COL24A1: variants seen among roughly 807,000 people sequenced by gnomAD.
COL24A1 encodes collagen type XXIV alpha 1 chain, also known as collagen alpha-1(XXIV) chain.
Under a neutral mutation model 253.9 loss-of-function variants are expected in COL24A1, and 224 were observed. The observed-to-expected ratio is 0.88, with a 90% confidence interval of 0.79 to 0.99. COL24A1 has a LOEUF of 0.99. COL24A1 is among the 50% of genes least tolerant of loss of function. The pLI, the probability that COL24A1 is intolerant of heterozygous loss-of-function variation, is 0.00. For missense variants in COL24A1, 2,131 were observed against 2,068.5 expected, an observed-to-expected ratio of 1.03 and a Z score of -0.59; for synonymous variants, 685 against 673.7, an observed-to-expected ratio of 1.02 and a Z score of -0.26.
At position 85,909,983 on chromosome 1, in the gene COL24A1, G is replaced by A. The variant is rs751747787; in HGVS notation, c.2637C>T (p.Gly879=). Residue 879 remains glycine, a synonymous_variant, in exon 26 of 60, where the codon GGC becomes GGT. Transcript: ENST00000370571. ...IGEKGERGSP[G]PLGPQGEKGV... is the part of the protein sequence containing the mutation. ...CTTTTTCTCCCTGCGGACCTAGTGG[G>A]CCTGGACTTCCACGTTCTCCCTTTT... The A allele has an allele frequency of 2.9e-5, 46 of 1,609,998 alleles. 2 individuals carry two copies. The highest frequency in any genetic ancestry group is 2.5e-4 in the South Asian group (23 of 90,942).
intron 37 of COL24A1, among the ~76,000 whole-genome samples, chr1:85,866,128 T>C (rs1331909049): frequency 6.6e-6 from 1 of 151,894 alleles, no homozygotes; most frequent in African/African-American, 2.4e-5. Flanking sequence ...GTGGGCATGG[T>C]GGTGGGTGCC....
chr1:86,076,764 T>C (rs1702282732), intron 7 of COL24A1, among the ~76,000 whole-genome samples: 1 of 152,172 alleles, frequency 6.6e-6, no homozygotes, highest in Admixed American at 6.5e-5. Flanking sequence ...ATTTAATAAA[T>C]GGTGTTGGGA....
chr1:86,109,980 A>G (rs1376709248), intron 5 of COL24A1, among the ~76,000 whole-genome samples: 1 of 152,192 alleles, frequency 6.6e-6, no homozygotes, highest in African/African-American at 2.4e-5. Flanking sequence ...CCTTCAGTAG[A>G]TACTAAATCT....
chr1:86,033,349 G>A (rs1698738951), intron 13 of COL24A1, among the ~76,000 whole-genome samples: 1 of 152,028 alleles, frequency 6.6e-6, no homozygotes, highest in African/African-American at 2.4e-5. Context: ...AAAAACTAAA[G>A]CTTTTCTACC....
chr1:86,128,977 A>AT (rs949852071), intron 2 of COL24A1, among the ~76,000 whole-genome samples: 2 of 151,766 alleles, frequency 1.3e-5, no homozygotes, highest in African/African-American at 4.8e-5. Context: ...AAATTTCATT[A>AT]TTTTCTATAG....
intron 1 of COL24A1, 119 bp downstream of exon 1, chr1:86,156,222 C>T (rs1653592426): frequency 1.1e-6 from 1 of 917,224 alleles, no homozygotes; most frequent in Non-Finnish European, 1.6e-6. Context: ...CTCGGCCGCT[C>T]CTAAAGCCAA....
intron 47 of COL24A1, among the ~76,000 whole-genome samples, chr1:85,812,549 A>G (rs1026929838): frequency 2.6e-5 from 4 of 152,222 alleles, no homozygotes; most frequent in African/African-American, 9.6e-5. Context: ...TTCAGAGAGC[A>G]CTGGCTAAGA....
chr1:85,740,732 A>G (rs1186839640), intron 57 of COL24A1, among the ~76,000 whole-genome samples: 1 of 151,632 alleles, frequency 6.6e-6, no homozygotes, highest in Non-Finnish European at 1.5e-5. Context: ...TCGGTCTCCC[A>G]AAGTGCTGGG....
chr1:86,007,039 T>C (rs538673649), intron 19 of COL24A1, among the ~76,000 whole-genome samples: 2 of 148,152 alleles, frequency 1.3e-5, no homozygotes, highest in Admixed American at 1.3e-4. Context: ...TAGTGAGACC[T>C]TGTCTCTACA....
At chr1:85,843,654 A>G (rs1439294244) in intron 39 of COL24A1, among the ~76,000 whole-genome samples, 8 of 152,192 alleles carry the variant, frequency 5.3e-5, no homozygotes, top group Admixed American at 5.2e-4. Flanking sequence ...GAAATTTCAA[A>G]TGCTGAAATC....
intron 28 of COL24A1, among the ~76,000 whole-genome samples, chr1:85,905,719 T>C (rs569928657): frequency 1.6e-4 from 24 of 152,146 alleles, no homozygotes; most frequent in Admixed American, 4.6e-4. Flanking sequence ...GAAACAGTAA[T>C]AGGATCATGG....
At chr1:86,118,698 A>G (rs935561044) in intron 3 of COL24A1, among the ~76,000 whole-genome samples, 2 of 152,198 alleles carry the variant, frequency 1.3e-5, no homozygotes, top group Admixed American at 1.3e-4. Context: ...GAAAGAGGTT[A>G]ATATGGTGGA....
intron 37 of COL24A1, among the ~76,000 whole-genome samples, chr1:85,857,210 A>G (rs1678532879): frequency 6.6e-6 from 1 of 152,148 alleles, no homozygotes; most frequent in African/African-American, 2.4e-5. Flanking sequence ...GAGGAAGACC[A>G]TATGGTTAAA....
chr1:85,827,368 G>T (rs1326794121), intron 43 of COL24A1, among the ~76,000 whole-genome samples: 1 of 151,254 alleles, frequency 6.6e-6, no homozygotes, highest in Admixed American at 6.6e-5. Flanking sequence ...GTTCATCAAG[G>T]ATATTGGTCT....
chr1:85,961,848 G>A (rs1389186783), intron 23 of COL24A1, among the ~76,000 whole-genome samples: 2 of 152,164 alleles, frequency 1.3e-5, no homozygotes, highest in East Asian at 1.9e-4. Context: ...GAACTCACTC[G>A]CTATCCCAAG....
intron 19 of COL24A1, among the ~76,000 whole-genome samples, chr1:86,002,231 C>T (rs1217153182): frequency 1.3e-5 from 2 of 152,172 alleles, no homozygotes; most frequent in Non-Finnish European, 2.9e-5. Context: ...AGATTAGTGC[C>T]ACCATTAAAA....
At chr1:85,839,947 A>T (rs972954574) in intron 42 of COL24A1, among the ~76,000 whole-genome samples, 1 of 152,158 alleles carries the variant, frequency 6.6e-6, no homozygotes, top group East Asian at 1.9e-4. Flanking sequence ...ACAAAAACTT[A>T]AATTGAAATT....
chr1:86,004,715 C>G (rs1695769099), intron 19 of COL24A1, among the ~76,000 whole-genome samples: 1 of 152,122 alleles, frequency 6.6e-6, no homozygotes, highest in Non-Finnish European at 1.5e-5. Flanking sequence ...CTGAACTCTA[C>G]AGGGCTGAAG....
chr1:86,132,348 G>A (rs1649382936), intron 2 of COL24A1, among the ~76,000 whole-genome samples: 1 of 152,212 alleles, frequency 6.6e-6, no homozygotes, highest in East Asian at 1.9e-4. Context: ...TTCTTTTGCT[G>A]TGCAGAAGCT....
Sources: gnomAD v4.1 joint callset for allele counts (sites outside exome capture counted in the v4.1 genomes callset) on GRCh38, gnomAD v4.1.1 for gene constraint, MANE v1.5 for transcripts, NCBI Gene and HGNC (gene_info 2026-07-23, HGNC 2026-07-21) for gene names.